Variants in LPCAT3 observed in about 807,000 individuals in gnomAD.
LPCAT3 encodes the protein lysophosphatidylcholine acyltransferase 3, also known as lysophospholipid acyltransferase 5.
LPCAT3 carries 21 observed loss-of-function variants against 63.4 expected under a neutral mutation model. That is an observed-to-expected ratio of 0.33 (90% CI 0.23 to 0.48). The LOEUF is 0.48. Ranked by LOEUF, LPCAT3 falls within the 20% of genes least tolerant of loss-of-function variation. LPCAT3 has a pLI of 0.99. For missense variants in LPCAT3, 451 were observed against 590.6 expected, an observed-to-expected ratio of 0.76 and a Z score of 2.45; for synonymous variants, 242 against 227.5, an observed-to-expected ratio of 1.06 and a Z score of -0.58.
intron 1 of LPCAT3, among the ~76,000 whole-genome samples, chr12:7,003,584 C>T (rs1946704775): frequency 6.6e-6 from 1 of 152,136 alleles, no homozygotes; most frequent in Non-Finnish European, 1.5e-5. Context: ...ATTTTTCCCA[C>T]TTCTGTACAT....
intron 2 of LPCAT3, chr12:6,983,216 G>T: frequency 2.0e-6 from 1 of 487,866 alleles, no homozygotes; most frequent in Admixed American, 3.6e-5. Context: ...GGTATGGCAA[G>T]GGTAACCACC....
chr12:7,011,647 C>CAAAAAAAAAAAAAA (rs1177972639), intron 1 of LPCAT3, among the ~76,000 whole-genome samples: 13 of 75,586 alleles, frequency 1.7e-4, no homozygotes, highest in Non-Finnish European at 2.8e-4. Context: ...CACCATGTCT[C>CAAAAAAAAAAAAAA]AAAAAAAAAA....
intron 1 of LPCAT3, among the ~76,000 whole-genome samples, chr12:6,988,986 C>T (rs1026787618): frequency 9.9e-5 from 15 of 151,920 alleles, no homozygotes; most frequent in Non-Finnish European, 1.6e-4. Flanking sequence ...ATTAGCTGGG[C>T]GTGGTAGTGC....
intron 12 of LPCAT3, 26 bp from the exon 13 acceptor site, chr12:6,976,917 G>T (rs899822643): frequency 2.4e-5 from 12 of 500,300 alleles, no homozygotes; most frequent in African/African-American, 2.1e-4. Context: ...AGTTTGGAAG[G>T]CTGGTTAGTT....
chr12:6,982,913 TGGA>T (rs1440016862), intron 2 of LPCAT3, 131 bp from the exon 3 acceptor site: 3 of 674,228 alleles, frequency 4.4e-6, no homozygotes, highest in African/African-American at 3.6e-5. Flanking sequence ...CCTCATGTTT[TGGA>T]GGAGAGGATG....
chr12:6,979,438 A>C, intron 7 of LPCAT3, 33 bp downstream of exon 7: 1 of 1,471,304 alleles, frequency 6.8e-7, no homozygotes, highest in Non-Finnish European at 9.5e-7. Flanking sequence ...GCTCTGGTGC[A>C]GTCATGCTGC....
chr12:6,984,577 T>A (rs1053878015), intron 1 of LPCAT3, among the ~76,000 whole-genome samples: 2 of 152,226 alleles, frequency 1.3e-5, no homozygotes, highest in African/African-American at 4.8e-5. Flanking sequence ...CTTTCTGCAA[T>A]TCTTGCTTTT....
At chr12:7,015,094 A>G (rs1555157508) in intron 1 of LPCAT3, among the ~76,000 whole-genome samples, 1 of 152,218 alleles carries the variant, frequency 6.6e-6, no homozygotes, top group Non-Finnish European at 1.5e-5. Flanking sequence ...CTTACGATGG[A>G]TCTTAGTCAA....
intron 1 of LPCAT3, among the ~76,000 whole-genome samples, chr12:6,992,337 C>CA (rs1319251469): frequency 6.7e-6 from 1 of 149,992 alleles, no homozygotes; most frequent in African/African-American, 2.4e-5. Flanking sequence ...AAAAAAAAAA[C>CA]AAAAAAAATT....
intron 1 of LPCAT3, among the ~76,000 whole-genome samples, chr12:7,003,928 CAAAA>C (rs781922909): frequency 1.6e-5 from 1 of 63,452 alleles, no homozygotes; most frequent in Admixed American, 1.8e-4. Context: ...GACTCCGTCT[CAAAA>C]AAAAAAAAAA....
At chr12:7,003,559 T>C (rs2138355220) in intron 1 of LPCAT3, among the ~76,000 whole-genome samples, 1 of 152,284 alleles carries the variant, frequency 6.6e-6, no homozygotes, top group Admixed American at 6.5e-5. Context: ...TAAATACAAC[T>C]GAGTTTCATA....
At chr12:7,010,143 G>C (rs1190830335) in intron 1 of LPCAT3, among the ~76,000 whole-genome samples, 3 of 152,084 alleles carry the variant, frequency 2.0e-5, no homozygotes, top group African/African-American at 7.2e-5. Flanking sequence ...TACATAAAAG[G>C]CCTATCATGT....
intron 1 of LPCAT3, among the ~76,000 whole-genome samples, chr12:6,983,967 AC>A (rs1946498071): frequency 6.6e-6 from 1 of 152,100 alleles, no homozygotes; most frequent in Non-Finnish European, 1.5e-5. Context: ...ACATAGCGAA[AC>A]CCCGTCTCTA....
At position 6,987,356 on chromosome 12, in the gene LPCAT3, G is replaced by A. The variant is rs1280735416; in HGVS notation, c.152-3817C>T. On this transcript the variant is annotated intron_variant, in intron 1 of 12. Coordinates refer to ENST00000261407, the MANE Select transcript of LPCAT3 (RefSeq NM_005768.6). This position sits in a 1 kb window ranked among gnomAD's most constrained non-coding sequence, Gnocchi z 4.1. ...GGTTCGTTTTCTAGCTGGCTGAGAT[G>A]ATGGGATATAGGATCACTAGCTCTA... 6.6e-6 allele frequency among the ~76,000 whole-genome samples: 1 copy of A among 152,190 alleles called. No homozygotes were observed. Among genetic ancestry groups the A allele is most frequent in the Admixed American group, 6.5e-5 (1 of 15,280 alleles).
chr12:6,981,509 G>T, intron 5 of LPCAT3, 86 bp downstream of exon 5: 1 of 1,345,394 alleles, frequency 7.4e-7, no homozygotes, highest in Non-Finnish European at 1.1e-6. Flanking sequence ...GCTCCGCTCT[G>T]GAATTTGGGT....
intron 1 of LPCAT3, among the ~76,000 whole-genome samples, chr12:7,016,244 A>C (rs1213328126): frequency 6.6e-6 from 1 of 150,546 alleles, no homozygotes; most frequent in Non-Finnish European, 1.5e-5. Flanking sequence ...CAGGCATGGC[A>C]TGAGCCACCA....
chr12:6,988,933 C>T (rs1401808985), intron 1 of LPCAT3, among the ~76,000 whole-genome samples: 1 of 151,980 alleles, frequency 6.6e-6, no homozygotes, highest in East Asian at 1.9e-4. Flanking sequence ...TTGAGACTAG[C>T]CTCAACATGG....
Position 6,981,423 on chromosome 12 carries a change from G to C in LPCAT3, c.498+172C>G, listed in dbSNP as rs79400390. ...GGACTTTGTGCAAGAGCTGGATCCT[G>C]GGCAAATTAGATTTGTTGATCCTTG... is the stretch of plus-strand genomic sequence containing the variant. On this transcript the variant is annotated intron_variant, in intron 5 of 12. Transcript: ENST00000261407. 2,331 of 759,860 alleles carry C rather than the reference G, an allele frequency of 3.1e-3. 39 individuals are homozygous for C. In the African/African-American group the frequency reaches 0.034, roughly 11 times the overall value. 47.1% of individuals were successfully genotyped at this position (759,860 alleles called of 1,614,324 possible).
At chr12:7,012,777 A>G (rs1057484919) in intron 1 of LPCAT3, among the ~76,000 whole-genome samples, 2 of 152,166 alleles carry the variant, frequency 1.3e-5, no homozygotes, top group Non-Finnish European at 2.9e-5. Flanking sequence ...ACCCCAAACC[A>G]GATCATTTCC....
Sources: allele counts gnomAD v4.1 joint callset (sites outside exome capture counted in the v4.1 genomes callset), GRCh38; gene constraint gnomAD v4.1.1; non-coding constraint Gnocchi (gnomAD v3.1); transcripts MANE v1.5; gene names NCBI Gene and HGNC (gene_info 2026-07-23, HGNC 2026-07-21).